The following SPIDR variants were observed in gnomAD, a reference collection of about 807,000 sequenced individuals.
The protein encoded by SPIDR is DNA repair-scaffolding protein.
A neutral mutation model predicts 104.6 loss-of-function variants in SPIDR; 93 were observed. The observed-to-expected ratio is 0.89, with a 90% confidence interval of 0.75 to 1.06. The LOEUF (loss-of-function observed/expected upper bound fraction) is 1.06, where lower values mean the gene tolerates loss of function less well. SPIDR is among the 50% of genes least tolerant of loss of function. The probability of loss-of-function intolerance (pLI) is 0.00; values close to 1 mark genes in which losing one functional copy is unlikely to be tolerated. For missense variants in SPIDR, 1,154 were observed against 1,111.2 expected (o/e 1.04, Z -0.55); for synonymous variants, 431 against 416.9 (o/e 1.03, Z -0.41).
At chr8:47,400,897 G>T (rs145189303) in intron 6 of SPIDR, among the ~76,000 whole-genome samples, 1 of 152,078 alleles carries the variant, frequency 6.6e-6, no homozygotes, top group African/African-American at 2.4e-5. Flanking sequence ...ATGGAACCAT[G>T]TTGGAAAACA....
At chr8:47,695,474 T>C (rs993414469) in intron 11 of SPIDR, among the ~76,000 whole-genome samples, 9 of 152,324 alleles carry the variant, frequency 5.9e-5, no homozygotes, top group Non-Finnish European at 4.4e-5. Context: ...CACAGCACCA[T>C]TGTGGCTTAA....
At chr8:47,603,087 C>G (rs537788446) in intron 10 of SPIDR, among the ~76,000 whole-genome samples, 1 of 152,054 alleles carries the variant, frequency 6.6e-6, no homozygotes, top group Non-Finnish European at 1.5e-5. Context: ...CCCAAACACA[C>G]CTTTTTTATA....
chr8:47,297,146 C>A (rs942254247), intron 5 of SPIDR, among the ~76,000 whole-genome samples: 1 of 152,146 alleles, frequency 6.6e-6, no homozygotes, highest in Non-Finnish European at 1.5e-5. Context: ...ATATGTGAGA[C>A]CATGACATCA....
chr8:47,712,514 A>G (rs1157119010), intron 14 of SPIDR, 148 bp from the exon 15 acceptor site: 4 of 961,998 alleles, frequency 4.2e-6, no homozygotes, highest in African/African-American at 3.3e-5. Context: ...GGGGCTAGTG[A>G]CCAAGATGTG....
At chr8:47,416,847 T>C (rs1451025837) in intron 7 of SPIDR, among the ~76,000 whole-genome samples, 1 of 152,088 alleles carries the variant, frequency 6.6e-6, no homozygotes, top group Non-Finnish European at 1.5e-5. Flanking sequence ...CATTGTTCAG[T>C]TCCCACCTAT....
At chr8:47,582,151 A>G (rs1270564095) in intron 8 of SPIDR, among the ~76,000 whole-genome samples, 1 of 150,592 alleles carries the variant, frequency 6.6e-6, no homozygotes, top group African/African-American at 2.4e-5. Flanking sequence ...TGGGAGGCAT[A>G]GGTTGCGGTG....
chr8:47,356,664 C>G (rs1160526194), intron 5 of SPIDR, among the ~76,000 whole-genome samples: 1 of 152,174 alleles, frequency 6.6e-6, no homozygotes, highest in Non-Finnish European at 1.5e-5. Flanking sequence ...GATTGTATAA[C>G]TTATATTTCC....
At chr8:47,715,034 A>G (rs2082369769) in intron 16 of SPIDR, among the ~76,000 whole-genome samples, 1 of 152,056 alleles carries the variant, frequency 6.6e-6, no homozygotes, top group Non-Finnish European at 1.5e-5. Flanking sequence ...CTACAATCTA[A>G]TTTTAGAACA....
At chr8:47,572,707 A>C (rs1419964280) in intron 8 of SPIDR, among the ~76,000 whole-genome samples, 1 of 148,652 alleles carries the variant, frequency 6.7e-6, no homozygotes, top group Non-Finnish European at 1.5e-5. Flanking sequence ...TAAATAAATA[A>C]ATAACTTGTA....
At chr8:47,560,128 C>G (rs930654815) in intron 8 of SPIDR, among the ~76,000 whole-genome samples, 4 of 152,132 alleles carry the variant, frequency 2.6e-5, no homozygotes, top group Admixed American at 2.0e-4. Context: ...CATCATTTTC[C>G]CTGATATTAA....
intron 5 of SPIDR, among the ~76,000 whole-genome samples, chr8:47,317,807 A>G (rs2045699668): frequency 6.6e-6 from 1 of 152,204 alleles, no homozygotes; most frequent in Non-Finnish European, 1.5e-5. Context: ...GCTGTTCTGC[A>G]GCCTCCACTG....
At chr8:47,402,599 C>A (rs947576378) in intron 6 of SPIDR, among the ~76,000 whole-genome samples, 8 of 152,122 alleles carry the variant, frequency 5.3e-5, no homozygotes, top group African/African-American at 1.7e-4. Flanking sequence ...ACTAGAAAAT[C>A]TAGAAGAAAT....
At chr8:47,539,224 G>A (rs2087600914) in intron 8 of SPIDR, among the ~76,000 whole-genome samples, 2 of 152,036 alleles carry the variant, frequency 1.3e-5, no homozygotes, top group African/African-American at 4.8e-5. Context: ...GAAACTACCC[G>A]TTACTGCACT....
chr8:47,620,876 C>A (rs1475273179), intron 10 of SPIDR, among the ~76,000 whole-genome samples: 1 of 151,140 alleles, frequency 6.6e-6, no homozygotes, highest in Non-Finnish European at 1.5e-5. Flanking sequence ...CCTCGGCCTC[C>A]CAAAGTGCTG....
Position 47,673,300 on chromosome 8 carries a change from G to A in SPIDR, c.1545-501G>A, listed in dbSNP as rs74360085. ...CAGGTTTTATCCTGCTGGGATATGC[G>A]TGTCTAAACGTGTACTGTCGCAGAG... On this transcript the variant is annotated intron_variant, in intron 10 of 19. Coordinates refer to ENST00000297423, the MANE Select transcript of SPIDR (RefSeq NM_001080394.4). 742 of 396,250 alleles carry A rather than the reference G, an allele frequency of 1.9e-3. 5 individuals carry two copies. The highest frequency in any genetic ancestry group is 0.014 in the African/African-American group (678 of 48,528). The allele number at this position is 396,250 out of a possible 1,614,324, so 24.5% of individuals were successfully genotyped here.
intron 5 of SPIDR, among the ~76,000 whole-genome samples, chr8:47,304,128 C>T (rs1554580120): frequency 2.0e-5 from 3 of 152,038 alleles, no homozygotes; most frequent in Admixed American, 6.5e-5. Context: ...GTTTGAATGT[C>T]CTCTCCAAAA....
rs374963121 is a variant in SPIDR, at chr8:47,295,616, T to C, written c.525+1586T>C. On this transcript the variant is annotated intron_variant, in intron 5 of 19. Transcript: ENST00000297423. ...TAATGTCCTCCAGGTTCATTCATGT[T>C]GCAAATGATAGAATTTCCTTCTTTA... Among the ~76,000 whole-genome samples the C allele has an allele frequency of 7.8e-3, 1,189 of 152,332 alleles. 12 individuals are homozygous for C. Among genetic ancestry groups the C allele is most frequent in the African/African-American group, 0.027 (1,140 of 41,568 alleles).
At chr8:47,273,836 C>G (rs1285332844) in intron 1 of SPIDR, among the ~76,000 whole-genome samples, 2 of 152,174 alleles carry the variant, frequency 1.3e-5, no homozygotes, top group Non-Finnish European at 2.9e-5. Context: ...AAGAGATCCT[C>G]CATCCTCGAC....
chr8:47,701,796 A>C lies in SPIDR; in HGVS notation c.1849A>C (p.Ile617Leu), dbSNP rs891262268. ...TCCAAATCTGGGACAAATTGATATA[A>C]TTGACGAAGACCCCATTTATAAGCT... ...AHPNLGQIDI[I>L]DEDPIYKLYQ... The change falls in exon 13 of 20, where the codon ATT becomes CTT. Residue 617 changes from isoleucine (I) to leucine (L), a missense_variant. Coordinates refer to ENST00000297423, the MANE Select transcript of SPIDR (RefSeq NM_001080394.4). The C allele has an allele frequency of 6.2e-7, 1 of 1,614,126 alleles. No homozygotes were observed. The highest frequency in any genetic ancestry group is 8.5e-7 in the Non-Finnish European group (1 of 1,180,022).
Sources: allele counts gnomAD v4.1 joint callset (sites outside exome capture counted in the v4.1 genomes callset), GRCh38; gene constraint gnomAD v4.1.1; transcripts MANE v1.5; gene names NCBI Gene and HGNC (gene_info 2026-07-23, HGNC 2026-07-21).